Variants in MSI2 observed in about 807,000 individuals in gnomAD.
MSI2 encodes musashi RNA binding protein 2, also known as RNA-binding protein Musashi homolog 2.
A neutral mutation model predicts 45.6 loss-of-function variants in MSI2; 17 were observed. The ratio of observed to expected loss-of-function variants is 0.37; its 90% CI spans 0.26 to 0.56. MSI2 has a LOEUF of 0.56. Among genes scored for constraint, MSI2 ranks in the 20% least tolerant of loss-of-function variants. The pLI is 0.77. For synonymous variants in MSI2, 156 were observed against 158.2 expected (o/e 0.99, Z 0.11); for missense variants, 293 against 444.2 (o/e 0.66, Z 3.06).
intron 11 of MSI2, among the ~76,000 whole-genome samples, chr17:57,668,456 T>C (rs1398807272): frequency 1.3e-5 from 2 of 152,204 alleles, no homozygotes; most frequent in Non-Finnish European, 2.9e-5. Flanking sequence ...CAGGCCAACA[T>C]TAACCAGTAG....
chr17:57,465,057 A>AT (rs2085304818), intron 6 of MSI2, among the ~76,000 whole-genome samples: 1 of 151,946 alleles, frequency 6.6e-6, no homozygotes, highest in Admixed American at 6.6e-5. Context: ...CAGAAAAACA[A>AT]TTTTTTTTGA....
At chr17:57,291,903 CCCCG>C (rs1910456685) in intron 5 of MSI2, among the ~76,000 whole-genome samples, 1 of 152,126 alleles carries the variant, frequency 6.6e-6, no homozygotes, top group African/African-American at 2.4e-5. Context: ...CCTCATTCTC[CCCCG>C]CCATTCTAAC....
chr17:57,403,682 CTTAT>C (rs570134809), intron 6 of MSI2, among the ~76,000 whole-genome samples: 248 of 152,210 alleles, frequency 1.6e-3, no homozygotes, highest in African/African-American at 5.7e-3. Context: ...TGCAGAATGG[CTTAT>C]TTCTCATTTG....
chr17:57,585,577 A>G lies in MSI2; in HGVS notation c.455-11291A>G, dbSNP rs139350258. On this transcript the variant is annotated intron_variant, in intron 7 of 13. Transcript: ENST00000284073. ...TCCACCCACCTCAGTGGGGACATTAAGTAGATTGAAACTCCCTCTTAGCTT... is the reference window on the plus strand; with the variant it reads ...TCCACCCACCTCAGTGGGGACATTAGGTAGATTGAAACTCCCTCTTAGCTT... Among the ~76,000 whole-genome samples the G allele has an allele frequency of 2.4e-4, 36 of 152,338 alleles. 1 individual carries two copies. The East Asian group carries it at 6.4e-3, about 27-fold the overall frequency.
At chr17:57,322,169 T>C (rs1004161563) in intron 5 of MSI2, among the ~76,000 whole-genome samples, 4 of 152,192 alleles carry the variant, frequency 2.6e-5, no homozygotes, top group Admixed American at 2.6e-4. Context: ...CCCACAGTAC[T>C]GAGACCAGAG....
At chr17:57,470,882 A>C (rs1301326379) in intron 6 of MSI2, among the ~76,000 whole-genome samples, 1 of 152,236 alleles carries the variant, frequency 6.6e-6, no homozygotes, top group Non-Finnish European at 1.5e-5. Context: ...TATCTGCAAA[A>C]TGAGGTTAAC....
At chr17:57,441,008 C>T (rs2084790121) in intron 6 of MSI2, among the ~76,000 whole-genome samples, 1 of 152,226 alleles carries the variant, frequency 6.6e-6, no homozygotes, top group South Asian at 2.1e-4. Flanking sequence ...TCAACACTGC[C>T]CCCTGCCGCT....
At chr17:57,584,422 G>T (rs553536829) in intron 7 of MSI2, among the ~76,000 whole-genome samples, 1 of 152,310 alleles carries the variant, frequency 6.6e-6, no homozygotes, top group East Asian at 1.9e-4. Flanking sequence ...CTCCAGGCAG[G>T]TTTGCTGGCA....
intron 6 of MSI2, among the ~76,000 whole-genome samples, chr17:57,419,729 G>A (rs1369969259): frequency 1.3e-5 from 2 of 152,132 alleles, no homozygotes; most frequent in African/African-American, 4.8e-5. Context: ...TGGTTGTGAT[G>A]AGAACAGGTT....
intron 7 of MSI2, among the ~76,000 whole-genome samples, chr17:57,539,927 C>A (rs983159781): frequency 3.9e-5 from 6 of 152,208 alleles, no homozygotes; most frequent in African/African-American, 1.4e-4. Context: ...GTGGCAAATG[C>A]AGAATCTTCC....
In MSI2 at chr17:57,544,674, G is replaced by A. The variant is rs1598385692; in HGVS notation, c.454+14950G>A. 2.6e-5 allele frequency among the ~76,000 whole-genome samples: 4 copies of A among 152,156 alleles called. No individual in the cohort carries two copies. In the East Asian group the frequency reaches 7.7e-4, roughly 29 times the overall value. On this transcript the variant is annotated intron_variant, in intron 7 of 13. Transcript: ENST00000284073. ...GATGAAAACCCCCAGTTAAGTGTGT[G>A]TAATGGTTTGACAATATATATGCCT...
intron 7 of MSI2, among the ~76,000 whole-genome samples, chr17:57,543,570 G>T (rs1203328490): frequency 6.6e-6 from 1 of 152,166 alleles, no homozygotes; most frequent in Non-Finnish European, 1.5e-5. Flanking sequence ...ACTAGTTTTG[G>T]CATCTTAAGT....
At chr17:57,486,190 G>T (rs934710690) in intron 6 of MSI2, among the ~76,000 whole-genome samples, 1 of 152,210 alleles carries the variant, frequency 6.6e-6, no homozygotes. Flanking sequence ...ACATCACAGG[G>T]TTATTTTTTC....
rs564928762 is a variant in MSI2, at chr17:57,616,263, G to A, written c.652+179G>A. The A allele has an allele frequency of 5.7e-4, 291 of 513,058 alleles. 4 individuals carry two copies. The highest frequency in any genetic ancestry group is 5.1e-4 in the Middle Eastern group (1 of 1,950). 31.8% of individuals were successfully genotyped at this position (513,058 alleles called of 1,614,324 possible). A position where few individuals can be genotyped will look rare whatever the true frequency, so the allele number is the denominator to read the frequency against. On this transcript the variant is annotated intron_variant, in intron 9 of 13. Coordinates refer to ENST00000284073, the MANE Select transcript of MSI2 (RefSeq NM_138962.4). ...AGACAGTTGTGATGATTAAGTGTGG[G>A]TGTGTGTGTGTGCATGCATGTGTGT...
intron 7 of MSI2, among the ~76,000 whole-genome samples, chr17:57,548,675 G>C (rs1424755002): frequency 6.6e-6 from 1 of 152,010 alleles, no homozygotes; most frequent in African/African-American, 2.4e-5. Context: ...AGTTTGGTGT[G>C]GGGGGCTGGG....
intron 5 of MSI2, among the ~76,000 whole-genome samples, chr17:57,311,010 C>T (rs748379859): frequency 4.6e-5 from 7 of 152,180 alleles, no homozygotes; most frequent in Non-Finnish European, 7.3e-5. Context: ...CATTTGACAA[C>T]GTTGTTGTGA....
intron 5 of MSI2, among the ~76,000 whole-genome samples, chr17:57,374,239 C>A (rs1457352947): frequency 1.3e-5 from 2 of 152,216 alleles, no homozygotes; most frequent in African/African-American, 4.8e-5. Context: ...ATTTGAAGTC[C>A]TGTTGCATTT....
At chr17:57,405,651 A>G (rs1172813730) in intron 6 of MSI2, among the ~76,000 whole-genome samples, 1 of 152,210 alleles carries the variant, frequency 6.6e-6, no homozygotes, top group African/African-American at 2.4e-5. Context: ...AAAAGCCACT[A>G]TTTATAAACT....
At chr17:57,633,204 C>T in intron 10 of MSI2, 2 of 1,011,134 alleles carry the variant, frequency 2.0e-6, no homozygotes, top group Non-Finnish European at 2.4e-6. Context: ...GCTGCCGTCT[C>T]TTAGCCTGAC....
Sources: gnomAD v4.1 joint callset for allele counts (sites outside exome capture counted in the v4.1 genomes callset) on GRCh38, gnomAD v4.1.1 for gene constraint, MANE v1.5 for transcripts, NCBI Gene and HGNC (gene_info 2026-07-23, HGNC 2026-07-21) for gene names.